Variants in NUBPL observed in about 807,000 individuals in gnomAD.
NUBPL encodes NUBP iron-sulfur cluster assembly factor, mitochondrial.
Under a neutral mutation model 45.7 loss-of-function variants are expected in NUBPL, and 31 were observed. The observed-to-expected ratio is 0.68, with a 90% CI of 0.51 to 0.92. NUBPL has a LOEUF of 0.92. NUBPL is among the 40% of genes least tolerant of loss of function. The probability of loss-of-function intolerance (pLI) is 0.00; values close to 1 mark genes in which losing one functional copy is unlikely to be tolerated. For missense variants in NUBPL, 401 were observed against 398.7 expected (o/e 1.01, Z -0.05); for synonymous variants, 144 against 140.9 (o/e 1.02, Z -0.15).
chr14:31,748,889 G>T (rs1269154082), intron 6 of NUBPL, among the ~76,000 whole-genome samples: 1 of 152,090 alleles, frequency 6.6e-6, no homozygotes, highest in African/African-American at 2.4e-5. Flanking sequence ...TAGGATTACA[G>T]GTGTGAGCCA....
At chr14:31,636,245 A>G (rs1244092031) in intron 4 of NUBPL, among the ~76,000 whole-genome samples, 1 of 151,838 alleles carries the variant, frequency 6.6e-6, no homozygotes, top group Non-Finnish European at 1.5e-5. Context: ...GATAGCTCTT[A>G]TTATTTTGAG....
At chr14:31,742,373 C>T (rs887339461) in intron 6 of NUBPL, among the ~76,000 whole-genome samples, 2 of 152,142 alleles carry the variant, frequency 1.3e-5, no homozygotes, top group East Asian at 3.9e-4. Flanking sequence ...GACTTTCAAA[C>T]TTGACTCTAT....
chr14:31,840,617 A>G (rs2040355626), intron 8 of NUBPL, among the ~76,000 whole-genome samples: 1 of 151,884 alleles, frequency 6.6e-6, no homozygotes. Flanking sequence ...CTGTAATAAC[A>G]TGGATGAACC....
chr14:31,569,473 A>G (rs539517099), intron 3 of NUBPL, among the ~76,000 whole-genome samples: 1 of 152,202 alleles, frequency 6.6e-6, no homozygotes, highest in Non-Finnish European at 1.5e-5. Context: ...CTGGAGTTAC[A>G]GGTGTGAGCC....
intron 4 of NUBPL, among the ~76,000 whole-genome samples, chr14:31,602,697 T>A (rs1235791041): frequency 6.6e-6 from 1 of 152,110 alleles, no homozygotes; most frequent in Non-Finnish European, 1.5e-5. Flanking sequence ...TTAGCAGAAT[T>A]TCTGGCACAT....
chr14:31,629,768 A>G (rs2035295032), intron 4 of NUBPL, among the ~76,000 whole-genome samples: 1 of 152,168 alleles, frequency 6.6e-6, no homozygotes, highest in African/African-American at 2.4e-5. Flanking sequence ...AGGTACAAAG[A>G]GAACATGTCA....
At chr14:31,810,091 C>G in intron 7 of NUBPL, among the ~76,000 whole-genome samples, 1 of 152,142 alleles carries the variant, frequency 6.6e-6, no homozygotes, top group East Asian at 1.9e-4. Context: ...AATGTATATT[C>G]TGTTGATTTG....
chr14:31,808,016 G>A (rs1299680466), intron 7 of NUBPL, among the ~76,000 whole-genome samples: 1 of 152,164 alleles, frequency 6.6e-6, no homozygotes, highest in Non-Finnish European at 1.5e-5. Context: ...TGCTGTGTTG[G>A]TTACTGTATC....
chr14:31,779,091 C>T (rs1394524271), intron 6 of NUBPL, among the ~76,000 whole-genome samples: 2 of 152,080 alleles, frequency 1.3e-5, no homozygotes, highest in Non-Finnish European at 2.9e-5. Flanking sequence ...CTTGTAATCC[C>T]AGCACTTTGG....
chr14:31,628,563 G>A (rs1349176224), intron 4 of NUBPL, among the ~76,000 whole-genome samples: 2 of 152,158 alleles, frequency 1.3e-5, no homozygotes, highest in Non-Finnish European at 2.9e-5. Context: ...ATTTCCAACT[G>A]TGTTCTTTGA....
intron 6 of NUBPL, among the ~76,000 whole-genome samples, chr14:31,683,607 C>A (rs905544971): frequency 6.6e-6 from 1 of 151,884 alleles, no homozygotes; most frequent in Non-Finnish European, 1.5e-5. Flanking sequence ...CGCCTCAGCC[C>A]CCCAAAGTGC....
At chr14:31,691,108 AG>A (rs1228883960) in intron 6 of NUBPL, among the ~76,000 whole-genome samples, 1 of 152,168 alleles carries the variant, frequency 6.6e-6, no homozygotes, top group East Asian at 1.9e-4. Flanking sequence ...ACTAATACTG[AG>A]CCCCCTAAGT....
At chr14:31,651,840 A>C (rs2036013901) in intron 4 of NUBPL, among the ~76,000 whole-genome samples, 1 of 151,604 alleles carries the variant, frequency 6.6e-6, no homozygotes, top group African/African-American at 2.4e-5. Context: ...CAGAGCTTAC[A>C]GTGAGCTGAG....
chr14:31,760,972 C>T (rs1291781089), intron 6 of NUBPL, among the ~76,000 whole-genome samples: 2 of 152,018 alleles, frequency 1.3e-5, no homozygotes, highest in African/African-American at 4.8e-5. Context: ...GCTGGGATTA[C>T]AGGCATGAAC....
chr14:31,730,117 G>A (rs2038017429), intron 6 of NUBPL, among the ~76,000 whole-genome samples: 1 of 152,098 alleles, frequency 6.6e-6, no homozygotes, highest in Non-Finnish European at 1.5e-5. Context: ...TTCATGCTAA[G>A]GACAATTTAA....
intron 8 of NUBPL, chr14:31,844,350 A>G (rs2138986895): frequency 6.6e-6 from 1 of 152,326 alleles, no homozygotes; most frequent in Non-Finnish European, 1.5e-5. Context: ...GATATATCAC[A>G]TTTAACATAA....
intron 6 of NUBPL, among the ~76,000 whole-genome samples, chr14:31,737,747 T>A (rs981487437): frequency 2.6e-5 from 4 of 152,096 alleles, no homozygotes; most frequent in Admixed American, 2.6e-4. Context: ...TCATGCCACT[T>A]CGCTCTAGCC....
intron 6 of NUBPL, among the ~76,000 whole-genome samples, chr14:31,754,753 T>A (rs12880173): frequency 0.3 from 44,508 of 150,872 alleles, 7,406 homozygotes; most frequent in South Asian, 0.41. Context: ...AATGTGCAGG[T>A]TAGTTACATA....
chr14:31,817,999 A>C (rs2039950735), intron 7 of NUBPL, among the ~76,000 whole-genome samples: 1 of 152,208 alleles, frequency 6.6e-6, no homozygotes, highest in Admixed American at 6.5e-5. Context: ...AAAAAAGGAA[A>C]AAAAGCATGG....
Sources: gnomAD v4.1 joint callset for allele counts (sites outside exome capture counted in the v4.1 genomes callset) on GRCh38, gnomAD v4.1.1 for gene constraint, MANE v1.5 for transcripts, NCBI Gene and HGNC (gene_info 2026-07-23, HGNC 2026-07-21) for gene names.